Variants in CLDN16 observed in about 807,000 individuals in gnomAD.
CLDN16 encodes the protein claudin-16.
A neutral mutation model predicts 24.6 loss-of-function variants in CLDN16; 13 were observed. That is an observed-to-expected ratio of 0.53 (90% CI 0.34 to 0.84). The LOEUF (loss-of-function observed/expected upper bound fraction) is 0.84. CLDN16 is among the 40% of genes least tolerant of loss of function. The pLI is 0.01. For synonymous variants in CLDN16, 116 were observed against 106.7 expected, an observed-to-expected ratio of 1.09 and a Z score of -0.54; for missense variants, 298 against 292.7, an observed-to-expected ratio of 1.02 and a Z score of -0.13.
At chr3:190,338,381 C>A (rs1268514380) in intron 1 of CLDN16, among the ~76,000 whole-genome samples, 1 of 152,150 alleles carries the variant, frequency 6.6e-6, no homozygotes, top group Non-Finnish European at 1.5e-5. Flanking sequence ...CGTATTTTAG[C>A]CTGATTACCT....
At chr3:190,359,332 TC>T (rs887619257) in intron 1 of CLDN16, among the ~76,000 whole-genome samples, 4 of 152,070 alleles carry the variant, frequency 2.6e-5, no homozygotes, top group Non-Finnish European at 5.9e-5. Context: ...AATTTGACTC[TC>T]TTAATGCCTA....
In CLDN16 at chr3:190,411,724, T is replaced by C. The variant is rs1719290766; in HGVS notation, c.*1688T>C. On this transcript the variant is annotated 3_prime_UTR_variant, in exon 5 of 5. Coordinates refer to ENST00000264734, the MANE Select transcript of CLDN16 (RefSeq NM_006580.4). ...CCAGAGTATCTTTAACAGTATTCTC[T>C]GAAGCAGTTCCAATCTAGTTGGAGA... The C allele has an allele frequency of 1.3e-5, 2 of 152,204 alleles. 1 individual carries two copies. The highest frequency in any genetic ancestry group is 4.1e-4 in the South Asian group (2 of 4,832). 9.4% of individuals were successfully genotyped at this position (152,204 alleles called of 1,614,324 possible).
At position 190,388,393 on chromosome 3, in the gene CLDN16, G is replaced by A; in HGVS notation, c.64G>A (p.Val22Met). ...CTTTTTCTCTGCTGGGTTTTTGATT[G>A]TGGCCACCTGGACTGACTGTTGGAT... ...FAFFSAGFLIVATWTDCWMVN... is the reference protein window; with the variant it reads ...FAFFSAGFLIMATWTDCWMVN... Residue 22 changes from valine (V) to methionine (M), a missense_variant, in exon 1 of 5, where the codon GTG becomes ATG. Val to Met is a conservative substitution (Grantham distance 21). Coordinates refer to ENST00000264734, the MANE Select transcript of CLDN16 (RefSeq NM_006580.4). 1.9e-6 allele frequency: 3 copies of A among 1,613,980 alleles called. No individual in the cohort carries two copies. The highest frequency in any genetic ancestry group is 1.3e-5 in the African/African-American group (1 of 74,992).
chr3:190,291,454 A>G, the CLDN16 span, among the ~76,000 whole-genome samples: 1 of 152,108 alleles, frequency 6.6e-6, no homozygotes, highest in African/African-American at 2.4e-5. Flanking sequence ...AGAGCCCCCT[A>G]TGAAACCATC....
chr3:190,347,605 C>T (rs541353614), intron 1 of CLDN16, among the ~76,000 whole-genome samples: 4 of 152,082 alleles, frequency 2.6e-5, no homozygotes, highest in Non-Finnish European at 5.9e-5. Context: ...CAAGTTCCTG[C>T]CCTCATGGAA....
chr3:190,362,577 T>C (rs1389564670), intron 1 of CLDN16, among the ~76,000 whole-genome samples: 1 of 152,008 alleles, frequency 6.6e-6, no homozygotes, highest in African/African-American at 2.4e-5. Flanking sequence ...TCTTTCTCCA[T>C]TGCAATTCCC....
chr3:190,404,359 T>G (rs1207143478), intron 2 of CLDN16, among the ~76,000 whole-genome samples: 1 of 152,318 alleles, frequency 6.6e-6, no homozygotes, highest in East Asian at 1.9e-4. Flanking sequence ...ATTAAAGTGA[T>G]TATTTATTCA....
At chr3:190,375,885 A>AC (rs1718237637) in intron 3 of CLDN16, among the ~76,000 whole-genome samples, 2 of 29,958 alleles carry the variant, frequency 6.7e-5, no homozygotes, top group African/African-American at 3.7e-4. Flanking sequence ...CTCCCCCCAC[A>AC]AAAAAACACC....
chr3:190,345,941 C>T (rs1443342454), intron 1 of CLDN16, among the ~76,000 whole-genome samples: 1 of 151,800 alleles, frequency 6.6e-6, no homozygotes, highest in African/African-American at 2.4e-5. Context: ...TGAGGTAGTG[C>T]TGAGCATATG....
intron 1 of CLDN16, among the ~76,000 whole-genome samples, chr3:190,325,179 GAC>G (rs1289222958): frequency 6.6e-6 from 1 of 152,162 alleles, no homozygotes; most frequent in Non-Finnish European, 1.5e-5. Flanking sequence ...GCAGGTAACA[GAC>G]ACAGAGAGGT....
chr3:190,299,054 T>C, the CLDN16 span, among the ~76,000 whole-genome samples: 87,837 of 152,028 alleles, frequency 0.58, 26,067 homozygotes, highest in African/African-American at 0.71. Flanking sequence ...GATCAATTGG[T>C]GACCATCATT....
At chr3:190,403,525 G>A (rs1719013627) in intron 2 of CLDN16, among the ~76,000 whole-genome samples, 1 of 152,100 alleles carries the variant, frequency 6.6e-6, no homozygotes, top group African/African-American at 2.4e-5. Flanking sequence ...AAGCAAAGTG[G>A]TTTTAGTCTC....
chr3:190,408,875 A>G (rs1481941233), intron 4 of CLDN16, among the ~76,000 whole-genome samples: 2 of 148,416 alleles, frequency 1.3e-5, no homozygotes, highest in Non-Finnish European at 3.0e-5. Flanking sequence ...TACTATATAT[A>G]CATACTGTAT....
chr3:190,322,479 C>T (rs1008589141), upstream of CLDN16: 2 of 487,180 alleles, frequency 4.1e-6, no homozygotes, highest in Non-Finnish European at 3.7e-6. Context: ...TTTAAAGCAG[C>T]TCCGCCCGCC....
At chr3:190,322,256 G>C (rs908148538), upstream of CLDN16, 4 of 1,565,082 alleles carry the variant, frequency 2.6e-6, no homozygotes, top group Non-Finnish European at 3.5e-6. Context: ...TGCAGAAGGC[G>C]GAGAGTTTGC....
At chr3:190,397,980 T>G (rs939143254) in intron 1 of CLDN16, among the ~76,000 whole-genome samples, 1 of 152,204 alleles carries the variant, frequency 6.6e-6, no homozygotes, top group Admixed American at 6.5e-5. Flanking sequence ...GGAATGACCA[T>G]AGTAGGCTAG....
chr3:190,403,365 A>T (rs1328169567), intron 2 of CLDN16, among the ~76,000 whole-genome samples: 1 of 152,210 alleles, frequency 6.6e-6, no homozygotes, highest in African/African-American at 2.4e-5. Context: ...AATTATAGTT[A>T]CATGTCAGCA....
At chr3:190,333,412 G>A (rs1359630225) in intron 1 of CLDN16, among the ~76,000 whole-genome samples, 1 of 152,032 alleles carries the variant, frequency 6.6e-6, no homozygotes, top group Non-Finnish European at 1.5e-5. Flanking sequence ...GTGCCTTAAA[G>A]TACTTTAAGT....
intron 1 of CLDN16, among the ~76,000 whole-genome samples, chr3:190,345,778 T>TA (rs201024904): frequency 0.039 from 5,957 of 152,312 alleles, 168 homozygotes; most frequent in Non-Finnish European, 0.06. Context: ...TTCCTTCTCA[T>TA]AAAATTCTGA....
Sources: gnomAD v4.1 joint callset for allele counts (sites outside exome capture counted in the v4.1 genomes callset) on GRCh38, gnomAD v4.1.1 for gene constraint, MANE v1.5 for transcripts, NCBI Gene and HGNC (gene_info 2026-07-23, HGNC 2026-07-21) for gene names.